Variants in NR4A3 observed in about 807,000 individuals in gnomAD.
The protein encoded by NR4A3 is chondrosarcoma, extraskeletal myxoid, fused to EWS.
A neutral mutation model predicts 55.6 loss-of-function variants in NR4A3; 13 were observed. That is an observed-to-expected ratio of 0.23 (90% CI 0.15 to 0.37). NR4A3 has a LOEUF of 0.37. Ranked by LOEUF, NR4A3 falls within the 10% of genes least tolerant of loss-of-function variation. The pLI is 1.00. For missense variants in NR4A3, 646 were observed against 822.8 expected, an observed-to-expected ratio of 0.79 and a Z score of 2.63; for synonymous variants, 342 against 357.9, an observed-to-expected ratio of 0.96 and a Z score of 0.50.
At chr9:99,861,707 A>C (rs1828011881) in intron 7 of NR4A3, among the ~76,000 whole-genome samples, 1 of 152,242 alleles carries the variant, frequency 6.6e-6, no homozygotes, top group Admixed American at 6.5e-5. Context: ...ATTTGGGACA[A>C]GAAAAAAGTG....
intron 7 of NR4A3, among the ~76,000 whole-genome samples, chr9:99,860,466 G>T (rs1001475618): frequency 1.3e-5 from 2 of 152,114 alleles, no homozygotes; most frequent in South Asian, 4.2e-4. Flanking sequence ...CCAAGAGTGG[G>T]ATTACTTGGT....
At chr9:99,857,674 G>C (rs1255826648) in intron 7 of NR4A3, among the ~76,000 whole-genome samples, 1 of 151,934 alleles carries the variant, frequency 6.6e-6, no homozygotes, top group Non-Finnish European at 1.5e-5. Context: ...AGAATCACTT[G>C]AACCCAGGAG....
intron 5 of NR4A3, among the ~76,000 whole-genome samples, chr9:99,840,283 GT>G (rs1001898641): frequency 6.6e-6 from 1 of 152,230 alleles, no homozygotes; most frequent in African/African-American, 2.4e-5. Flanking sequence ...TCACTTCCCT[GT>G]GTGCAGAAGG....
At chr9:99,827,256 A>ATGTG (rs1419603893) in intron 2 of NR4A3, among the ~76,000 whole-genome samples, 208 of 138,950 alleles carry the variant, frequency 1.5e-3, no homozygotes, top group African/African-American at 5.4e-3. Context: ...TGGGATATAT[A>ATGTG]TATGTGTGTG....
In NR4A3 at chr9:99,863,926, A is replaced by G. The variant is rs761805685; in HGVS notation, c.*59A>G. On this transcript the variant is annotated 3_prime_UTR_variant, in exon 8 of 8. Coordinates refer to ENST00000395097, the MANE Select transcript of NR4A3 (RefSeq NM_006981.4). ...CCTAGCACCTGCTTGCTACGCAGCA[A>G]AGGGATAGGTTTGGAAACCTATCAT... is the stretch of plus-strand genomic sequence containing the variant. 4 of 1,551,884 alleles carry G rather than the reference A, an allele frequency of 2.6e-6. No homozygotes were observed. Among genetic ancestry groups the G allele is most frequent in the Non-Finnish European group, 3.5e-6 (4 of 1,147,616 alleles).
chr9:99,843,701 G>A (rs995194333), intron 5 of NR4A3, among the ~76,000 whole-genome samples: 1 of 150,428 alleles, frequency 6.6e-6, no homozygotes, highest in Non-Finnish European at 1.5e-5. Flanking sequence ...GATGTTTGCT[G>A]TGTCTACCCC....
At chr9:99,839,788 C>A (rs1212930009) in intron 5 of NR4A3, among the ~76,000 whole-genome samples, 3 of 152,168 alleles carry the variant, frequency 2.0e-5, no homozygotes, top group East Asian at 1.9e-4. Context: ...TTAAAAAAAT[C>A]TTTTTGCATT....
chr9:99,833,190 C>T, intron 4 of NR4A3, 92 bp from the exon 5 acceptor site: 3 of 1,461,828 alleles, frequency 2.1e-6, no homozygotes, highest in South Asian at 2.8e-5. Flanking sequence ...AATGATTGCT[C>T]AACTGTAATG....
rs752691309 is a variant in NR4A3, at chr9:99,863,723, C to T, written c.1737C>T (p.Thr579=). Residue 579 remains threonine (T), a synonymous_variant, in exon 8 of 8, where the codon ACC becomes ACT. Transcript: ENST00000395097. ...HQSKGQALEP[T]ESKVLGALVE... is the part of the protein sequence containing the mutation. Reference sequence around the variant, plus strand: ...GTAAGGGACAGGCTCTGGAGCCCACCGAGTCCAAGGTCCTGGGTGCCCTGG... The same window carrying T: ...GTAAGGGACAGGCTCTGGAGCCCACTGAGTCCAAGGTCCTGGGTGCCCTGG... 2.5e-6 allele frequency: 4 copies of T among 1,613,854 alleles called. No individual in the cohort carries two copies. Among genetic ancestry groups the T allele is most frequent in the African/African-American group, 1.3e-5 (1 of 74,922 alleles).
rs1042024558 is a variant in NR4A3, at chr9:99,865,994, C to G, written c.*2127C>G. 9.1e-6 allele frequency: 2 copies of G among 218,610 alleles called. No homozygotes were observed. The highest frequency in any genetic ancestry group is 2.2e-5 in the African/African-American group (1 of 44,514). The allele number at this position is 218,610 out of a possible 1,614,324, so 13.5% of individuals were successfully genotyped here. On this transcript the variant is annotated 3_prime_UTR_variant, in exon 8 of 8. Coordinates refer to ENST00000395097, the MANE Select transcript of NR4A3 (RefSeq NM_006981.4). This position sits in a 1 kb window ranked among gnomAD's most constrained non-coding sequence, Gnocchi z 4.3. Reference sequence around the variant, plus strand: ...AAGGTCAAACAGCTGGTAACAGAATCAAGACTAAGACCTAATTTACCTTTC... The same window carrying G: ...AAGGTCAAACAGCTGGTAACAGAATGAAGACTAAGACCTAATTTACCTTTC...
Position 99,828,689 on chromosome 9 carries a change from C to G in NR4A3, c.647C>G (p.Thr216Arg). The G allele has an allele frequency of 2.2e-6, 3 of 1,339,760 alleles. No individual in the cohort carries two copies. The highest frequency in any genetic ancestry group is 2.8e-6 in the Non-Finnish European group (3 of 1,053,386). 83.0% of individuals were successfully genotyped at this position (1,339,760 alleles called of 1,614,324 possible). ...AGGHHLGYDP[T>R]AAAALSLPLG... ...GGCCACCACCTCGGCTACGACCCGA[C>G]GGCCGCTGCCGCGCTCAGCCTGCCG... Residue 216 changes from threonine (T) to arginine (R), a missense_variant, in exon 3 of 8, where the codon ACG becomes AGG. Thr to Arg is a moderately conservative substitution (Grantham distance 71, BLOSUM62 -1). Coordinates refer to ENST00000395097, the MANE Select transcript of NR4A3 (RefSeq NM_006981.4). This position sits in a 1 kb window ranked among gnomAD's most constrained non-coding sequence, Gnocchi z 7.7.
chr9:99,839,588 A>G (rs911717003), intron 5 of NR4A3, among the ~76,000 whole-genome samples: 1 of 152,204 alleles, frequency 6.6e-6, no homozygotes, highest in Non-Finnish European at 1.5e-5. Context: ...ATTTTAGTTT[A>G]CATAATATCC....
intron 7 of NR4A3, among the ~76,000 whole-genome samples, chr9:99,855,776 T>A (rs1398689456): frequency 6.6e-6 from 1 of 152,212 alleles, no homozygotes; most frequent in Non-Finnish European, 1.5e-5. Flanking sequence ...TTTGTTTGTG[T>A]TTGAGCTACA....
At position 99,865,655 on chromosome 9, in the gene NR4A3, A is replaced by C. The variant is rs1416342937; in HGVS notation, c.*1788A>C. On this transcript the variant is annotated 3_prime_UTR_variant, in exon 8 of 8. Coordinates refer to ENST00000395097, the MANE Select transcript of NR4A3 (RefSeq NM_006981.4). This position sits in a 1 kb window ranked among gnomAD's most constrained non-coding sequence, Gnocchi z 4.3. ...TTTTGCTTTAGTCTTTTTAAAGGAA[A>C]ATAACAAAACTATGCTGTTTATATT... 1 of 195,358 alleles carries C rather than the reference A, an allele frequency of 5.1e-6. No homozygotes were observed. The highest frequency in any genetic ancestry group is 1.1e-5 in the Non-Finnish European group (1 of 93,746). 12.1% of individuals were successfully genotyped at this position (195,358 alleles called of 1,614,324 possible). A position where few individuals can be genotyped will look rare whatever the true frequency, so the allele number is the denominator to read the frequency against.
intron 5 of NR4A3, chr9:99,833,795 T>G: frequency 7.6e-7 from 1 of 1,319,160 alleles, no homozygotes; most frequent in Admixed American, 3.1e-5. Context: ...GACTACTGTT[T>G]TTTTTCATAT....
At chr9:99,847,754 A>G in intron 7 of NR4A3, 139 bp downstream of exon 7, 1 of 772,244 alleles carries the variant, frequency 1.3e-6, no homozygotes, top group South Asian at 1.9e-5. Context: ...AGTTTAACCT[A>G]GTTTAAGCAA....
chr9:99,863,861 T>C lies in NR4A3; in HGVS notation c.1875T>C (p.Pro625=). 1 of 1,612,618 alleles carries C rather than the reference T, an allele frequency of 6.2e-7. No homozygotes were observed. The highest frequency in any genetic ancestry group is 8.5e-7 in the Non-Finnish European group (1 of 1,179,104). ...ACAAGCTCTTCCTGGACACCCTACC[T>C]TTCTAATCAGGAGCAGTGGAGCAGT... The part of the protein sequence containing the change: ...IIDKLFLDTL[P]F The change falls in exon 8 of 8, where the codon CCT becomes CCC. Residue 625 remains proline (P), a synonymous_variant. Coordinates refer to ENST00000395097, the MANE Select transcript of NR4A3 (RefSeq NM_006981.4).
At position 99,856,127 on chromosome 9, in the gene NR4A3, A is replaced by G. The variant is rs115503635; in HGVS notation, c.1634-7493A>G. Among the ~76,000 whole-genome samples, 574 of 152,210 alleles carry G rather than the reference A, an allele frequency of 3.8e-3. 4 individuals are homozygous for G. The highest frequency in any genetic ancestry group is 0.013 in the African/African-American group (556 of 41,526). On this transcript the variant is annotated intron_variant, in intron 7 of 7. Coordinates refer to ENST00000395097, the MANE Select transcript of NR4A3 (RefSeq NM_006981.4). Reference sequence around the variant, plus strand: ...TTTCGGGATGATTCAAGCTTATTACATTTATTGCGCACTTTATTTCTATTA... The same window carrying G: ...TTTCGGGATGATTCAAGCTTATTACGTTTATTGCGCACTTTATTTCTATTA...
chr9:99,844,803 T>C lies in NR4A3; in HGVS notation c.1409T>C (p.Ile470Thr). ...DLPKEDQTLL[I>T]ESAFLELFVL... ...CCCAAAGAAGATCAGACATTACTTA[T>C]TGAATCAGCCTTTTTGGAGCTGTTT... Residue 470 changes from isoleucine (I) to threonine (T), a missense_variant, in exon 6 of 8, where the codon ATT (isoleucine) becomes ACT (threonine). This residue lies in a region of NR4A3 where 163 missense variants were observed against 233.0 expected (regional missense o/e 0.70). Transcript: ENST00000395097. 3 of 1,614,244 alleles carry C rather than the reference T, an allele frequency of 1.9e-6. No individual in the cohort carries two copies. Among genetic ancestry groups the C allele is most frequent in the Non-Finnish European group, 2.5e-6 (3 of 1,180,042 alleles).
Sources: gnomAD v4.1 joint callset for allele counts (sites outside exome capture counted in the v4.1 genomes callset) on GRCh38, gnomAD v4.1.1 for gene constraint, gnomAD v4.1.1 regional missense constraint, Gnocchi (gnomAD v3.1) non-coding constraint, MANE v1.5 for transcripts, NCBI Gene and HGNC (gene_info 2026-07-23, HGNC 2026-07-21) for gene names.